Variants in GRID2 observed in about 807,000 individuals in gnomAD.
The protein encoded by GRID2 is glutamate ionotropic receptor delta type subunit 2.
Under a neutral mutation model 114.8 loss-of-function variants are expected in GRID2, and 33 were observed. The ratio of observed to expected loss-of-function variants is 0.29; its 90% CI spans 0.22 to 0.38. The LOEUF (loss-of-function observed/expected upper bound fraction) is 0.38. Ranked by LOEUF, GRID2 falls within the 10% of genes least tolerant of loss-of-function variation. The probability of loss-of-function intolerance (pLI) is 1.00; values close to 1 mark genes in which losing one functional copy is unlikely to be tolerated. For missense variants in GRID2, 1,184 were observed against 1,257.7 expected, an observed-to-expected ratio of 0.94 and a Z score of 0.89; for synonymous variants, 505 against 449.9, an observed-to-expected ratio of 1.12 and a Z score of -1.55.
intron 8 of GRID2, among the ~76,000 whole-genome samples, chr4:93,371,031 T>C (rs968710007): frequency 6.6e-6 from 1 of 152,146 alleles, no homozygotes; most frequent in African/African-American, 2.4e-5. Flanking sequence ...ATGGAGACAC[T>C]CCATTGTAAG....
At chr4:92,535,767 G>A (rs763986289) in intron 1 of GRID2, among the ~76,000 whole-genome samples, 8 of 152,152 alleles carry the variant, frequency 5.3e-5, no homozygotes, top group Non-Finnish European at 8.8e-5. Context: ...ATGAAGCCAC[G>A]GACCGTCGTG....
chr4:92,941,758 C>A (rs184047572), intron 2 of GRID2, among the ~76,000 whole-genome samples: 2 of 151,924 alleles, frequency 1.3e-5, no homozygotes, highest in Non-Finnish European at 2.9e-5. Context: ...CAGAGATTCT[C>A]GTATGTTGTG....
intron 1 of GRID2, among the ~76,000 whole-genome samples, chr4:92,339,217 A>T (rs1215182854): frequency 6.6e-6 from 1 of 152,106 alleles, no homozygotes; most frequent in African/African-American, 2.4e-5. Flanking sequence ...TCATTTATTG[A>T]TATACAAACA....
chr4:92,639,275 T>G (rs565476870), intron 2 of GRID2, among the ~76,000 whole-genome samples: 107 of 151,964 alleles, frequency 7.0e-4, no homozygotes, highest in African/African-American at 2.4e-3. Flanking sequence ...TCTCTTAATA[T>G]CTTAATTTTT....
At chr4:92,788,274 G>C (rs547703508) in intron 2 of GRID2, among the ~76,000 whole-genome samples, 27 of 151,906 alleles carry the variant, frequency 1.8e-4, no homozygotes, top group African/African-American at 5.3e-4. Flanking sequence ...TAAAGGTTGA[G>C]AGTCAACAAT....
intron 1 of GRID2, among the ~76,000 whole-genome samples, chr4:92,519,948 T>G (rs1724685138): frequency 6.6e-6 from 1 of 151,844 alleles, no homozygotes; most frequent in East Asian, 2.0e-4. Context: ...GTCTACCGAT[T>G]CAAATGTTAA....
intron 1 of GRID2, among the ~76,000 whole-genome samples, chr4:92,315,699 G>T (rs1725930266): frequency 6.6e-6 from 1 of 152,102 alleles, no homozygotes; most frequent in Non-Finnish European, 1.5e-5. Context: ...GGCCATGCAC[G>T]GTGGCTCACG....
intron 2 of GRID2, among the ~76,000 whole-genome samples, chr4:93,045,078 G>A (rs1475951753): frequency 1.3e-5 from 2 of 152,126 alleles, no homozygotes; most frequent in African/African-American, 4.8e-5. Context: ...GATGAACAGT[G>A]ATATTTCTGG....
At chr4:93,094,971 T>C (rs2149333348) in intron 3 of GRID2, among the ~76,000 whole-genome samples, 1 of 151,996 alleles carries the variant, frequency 6.6e-6, no homozygotes, top group East Asian at 1.9e-4. Context: ...CTTCTACCTT[T>C]AGAATATAAC....
chr4:92,556,187 A>G (rs1726841159), intron 1 of GRID2, among the ~76,000 whole-genome samples: 1 of 152,130 alleles, frequency 6.6e-6, no homozygotes, highest in Admixed American at 6.6e-5. Flanking sequence ...AAATTCTAAT[A>G]ACAAAAGGCA....
chr4:93,037,050 T>G (rs973171538), intron 2 of GRID2, among the ~76,000 whole-genome samples: 1 of 152,154 alleles, frequency 6.6e-6, no homozygotes, highest in African/African-American at 2.4e-5. Context: ...ATTTCTTAAT[T>G]TTTCAGCACA....
intron 5 of GRID2, among the ~76,000 whole-genome samples, chr4:93,210,959 T>C (rs2149474840): frequency 6.6e-6 from 1 of 152,206 alleles, no homozygotes; most frequent in South Asian, 2.1e-4. Context: ...GCGAGAGTCA[T>C]TTTACCTATT....
chr4:93,162,989 T>A (rs1242731190), intron 4 of GRID2, among the ~76,000 whole-genome samples: 1 of 151,972 alleles, frequency 6.6e-6, no homozygotes, highest in African/African-American at 2.4e-5. Flanking sequence ...TTTTAGCAAC[T>A]CTTTTGAATC....
intron 12 of GRID2, among the ~76,000 whole-genome samples, chr4:93,514,631 C>T (rs1729526627): frequency 6.6e-6 from 1 of 152,090 alleles, no homozygotes; most frequent in Non-Finnish European, 1.5e-5. Context: ...CAGTCTCTTC[C>T]TCTATAAAAT....
At chr4:93,187,287 T>A (rs1482568716) in intron 4 of GRID2, among the ~76,000 whole-genome samples, 1 of 152,182 alleles carries the variant, frequency 6.6e-6, no homozygotes, top group African/African-American at 2.4e-5. Context: ...TTTTTTCTTT[T>A]CTTTTTTGAG....
chr4:93,499,201 C>T (rs534779998), intron 12 of GRID2, among the ~76,000 whole-genome samples: 4 of 151,886 alleles, frequency 2.6e-5, no homozygotes, highest in African/African-American at 4.8e-5. Flanking sequence ...ATTATTGATT[C>T]GAGTCAATAA....
chr4:93,197,872 T>G (rs973983664), intron 4 of GRID2, among the ~76,000 whole-genome samples: 4 of 152,206 alleles, frequency 2.6e-5, no homozygotes, highest in Non-Finnish European at 4.4e-5. Context: ...TTTGCAGATT[T>G]TGAATTTAAT....
At chr4:92,600,529 G>A (rs773448623) in intron 2 of GRID2, among the ~76,000 whole-genome samples, 13 of 152,226 alleles carry the variant, frequency 8.5e-5, no homozygotes, top group Admixed American at 5.2e-4. Context: ...CAAGAACTAC[G>A]GGATTGTGTA....
At chr4:93,192,209 G>T (rs1275662110) in intron 4 of GRID2, among the ~76,000 whole-genome samples, 1 of 152,110 alleles carries the variant, frequency 6.6e-6, no homozygotes, top group Non-Finnish European at 1.5e-5. Flanking sequence ...ACCAGCAACT[G>T]AAATCATTCC....
Sources: allele counts gnomAD v4.1 joint callset (sites outside exome capture counted in the v4.1 genomes callset), GRCh38; gene constraint gnomAD v4.1.1; transcripts MANE v1.5; gene names NCBI Gene and HGNC (gene_info 2026-07-23, HGNC 2026-07-21).